Variants in SLC25A18 observed in about 807,000 individuals in gnomAD.
SLC25A18 encodes the protein mitochondrial glutamate carrier 2.
SLC25A18 carries 24 observed loss-of-function variants against 31.1 expected under a neutral mutation model. The ratio of observed to expected loss-of-function variants is 0.77; its 90% CI spans 0.56 to 1.08. The LOEUF is 1.08. SLC25A18 is among the 50% of genes least tolerant of loss of function. The probability of loss-of-function intolerance (pLI) is 0.00; values close to 1 mark genes in which losing one functional copy is unlikely to be tolerated. For synonymous variants in SLC25A18, 173 were observed against 161.9 expected (o/e 1.07, Z -0.52); for missense variants, 371 against 418.5 (o/e 0.89, Z 0.99).
At chr22:17,573,486 ACTC>A (rs1441062737) in intron 2 of SLC25A18, among the ~76,000 whole-genome samples, 1 of 151,866 alleles carries the variant, frequency 6.6e-6, no homozygotes, top group African/African-American at 2.4e-5. Context: ...ATCTGGAAAT[ACTC>A]CTGGAAATGG....
intron 2 of SLC25A18, among the ~76,000 whole-genome samples, chr22:17,572,634 TA>T (rs199657444): frequency 0.087 from 9,952 of 113,842 alleles, 986 homozygotes; most frequent in Non-Finnish European, 0.11. Context: ...TCTCTACAAA[TA>T]AATTTTTTTT....
At chr22:17,584,029 TC>T in intron 7 of SLC25A18, 1 of 982,754 alleles carries the variant, frequency 1.0e-6, no homozygotes, top group Non-Finnish European at 1.2e-6. Flanking sequence ...GAATGTTGAT[TC>T]AGAGGGTCAG....
At chr22:17,589,490 A>T in intron 9 of SLC25A18, 100 bp from the exon 10 acceptor site, 3 of 1,059,126 alleles carry the variant, frequency 2.8e-6, no homozygotes, top group Non-Finnish European at 2.8e-6. Context: ...AGTCAGTTTT[A>T]TATGTGGTGG....
chr22:17,589,492 ATG>A, intron 9 of SLC25A18, 96 bp from the exon 10 acceptor site: 1 of 1,071,812 alleles, frequency 9.3e-7, no homozygotes, highest in Non-Finnish European at 1.4e-6. Context: ...TCAGTTTTAT[ATG>A]TGGTGGCTCT....
intron 2 of SLC25A18, among the ~76,000 whole-genome samples, chr22:17,572,777 G>A (rs1449345025): frequency 1.4e-5 from 2 of 145,156 alleles, no homozygotes; most frequent in African/African-American, 5.5e-5. Context: ...GAGTAGCTGG[G>A]ACTACAGGCG....
chr22:17,581,615 C>G (rs998601388), intron 5 of SLC25A18: 20 of 578,920 alleles, frequency 3.5e-5, no homozygotes, highest in African/African-American at 1.9e-4. Context: ...AGCACACCCC[C>G]CGCCACCGCC....
At chr22:17,581,501 G>A in intron 5 of SLC25A18, 88 bp downstream of exon 5, 1 of 1,477,336 alleles carries the variant, frequency 6.8e-7, no homozygotes, top group Non-Finnish European at 9.4e-7. Flanking sequence ...TTGCTGCGGG[G>A]ATGGGGCCAG....
At chr22:17,572,141 C>T (rs900734056) in intron 2 of SLC25A18, among the ~76,000 whole-genome samples, 5 of 152,036 alleles carry the variant, frequency 3.3e-5, no homozygotes, top group African/African-American at 7.2e-5. Context: ...GAGCCGAGAT[C>T]ACGCCACTGC....
chr22:17,590,380 C>A lies in SLC25A18; in HGVS notation c.*144C>A. ...GCTACCTCAATCTCGGGAGAAACAGCCCTATATTCTAACAAGTTGAGCACA... is the reference window on the plus strand; with the variant it reads ...GCTACCTCAATCTCGGGAGAAACAGACCTATATTCTAACAAGTTGAGCACA... On this transcript the variant is annotated 3_prime_UTR_variant, in exon 11 of 11. Transcript: ENST00000327451. 1 of 944,134 alleles carries A rather than the reference C, an allele frequency of 1.1e-6. No individual in the cohort carries two copies. Among genetic ancestry groups the A allele is most frequent in the Non-Finnish European group, 1.6e-6 (1 of 638,754 alleles). The allele number at this position is 944,134 out of a possible 1,614,324, so 58.5% of individuals were successfully genotyped here.
chr22:17,588,255 C>G (rs2146280009), intron 9 of SLC25A18, 176 bp downstream of exon 9: 2 of 635,342 alleles, frequency 3.1e-6, no homozygotes, highest in Middle Eastern at 4.2e-4. Flanking sequence ...GTTTCTCATC[C>G]CTGACACATC....
chr22:17,577,231 C>G (rs1044547990), intron 2 of SLC25A18, among the ~76,000 whole-genome samples: 1 of 152,008 alleles, frequency 6.6e-6, no homozygotes, highest in African/African-American at 2.4e-5. Context: ...ACCATGTTAG[C>G]CAGGATGGTC....
At chr22:17,578,961 A>G (rs1182156990) in intron 2 of SLC25A18, among the ~76,000 whole-genome samples, 2 of 152,196 alleles carry the variant, frequency 1.3e-5, no homozygotes, top group Admixed American at 6.5e-5. Context: ...CCACTTGTCA[A>G]TTAGGAATAT....
At position 17,589,654 on chromosome 22, in the gene SLC25A18, C is replaced by G; in HGVS notation, c.795C>G (p.Thr265=). The G allele has an allele frequency of 6.2e-7, 1 of 1,614,048 alleles. No individual in the cohort carries two copies. Among genetic ancestry groups the G allele is most frequent in the Non-Finnish European group, 8.5e-7 (1 of 1,179,974 alleles). The change falls in exon 10 of 11, where the codon ACC becomes ACG. Residue 265 remains threonine, a synonymous_variant. Transcript: ENST00000327451. ...GCGAGGACATGTACAGTGGGATCACCGACTGTGCCAGGTGAGAGCCAGTGT... is the reference window on the plus strand; with the variant it reads ...GCGAGGACATGTACAGTGGGATCACGGACTGTGCCAGGTGAGAGCCAGTGT... ...GLGEDMYSGI[T]DCARKLWIQE...
intron 2 of SLC25A18, among the ~76,000 whole-genome samples, chr22:17,575,435 G>A (rs984734049): frequency 5.3e-5 from 8 of 152,076 alleles, no homozygotes; most frequent in African/African-American, 1.7e-4. Context: ...AGTCTCTCCC[G>A]CCTTGCATCA....
intron 2 of SLC25A18, among the ~76,000 whole-genome samples, chr22:17,576,177 C>A (rs1401950415): frequency 6.6e-6 from 1 of 151,930 alleles, no homozygotes; most frequent in Non-Finnish European, 1.5e-5. Flanking sequence ...CATGGTGAAA[C>A]CCCATCTCTA....
At chr22:17,584,469 G>GAGAGAGAAAGAA (rs1555951532) in intron 7 of SLC25A18, among the ~76,000 whole-genome samples, 3 of 121,628 alleles carry the variant, frequency 2.5e-5, no homozygotes, top group Admixed American at 1.6e-4. Context: ...GAGAGAGAGA[G>GAGAGAGAAAGAA]AGAAAGAAAG....
chr22:17,582,585 G>A lies in SLC25A18; in HGVS notation c.222G>A (p.Leu74=). 1 of 1,601,748 alleles carries A rather than the reference G, an allele frequency of 6.2e-7. No individual in the cohort carries two copies. The highest frequency in any genetic ancestry group is 8.5e-7 in the Non-Finnish European group (1 of 1,173,492). ...MYRGAAVNLT[L]VTPEKAIKLA... ...CAGGGGCTGCAGTGAACCTCACTCT[G>A]GTCACTCCAGAGAAGGCCATCAAGC... The change falls in exon 6 of 11, where the codon CTG becomes CTA. Residue 74 remains leucine (L), a synonymous_variant. Transcript: ENST00000327451.
chr22:17,568,576 T>C, intron 1 of SLC25A18, among the ~76,000 whole-genome samples: 1 of 131,650 alleles, frequency 7.6e-6, no homozygotes, highest in African/African-American at 2.9e-5. Context: ...TTTTTTTTTT[T>C]TTTTTGAGAC....
At chr22:17,580,915 C>T (rs922416649) in intron 3 of SLC25A18, 122 bp from the exon 4 acceptor site, 4 of 1,447,516 alleles carry the variant, frequency 2.8e-6, no homozygotes, top group Non-Finnish European at 3.7e-6. Context: ...AAGAGGGTCT[C>T]TGGACACCTG....
Sources: gnomAD v4.1 joint callset for allele counts (sites outside exome capture counted in the v4.1 genomes callset) on GRCh38, gnomAD v4.1.1 for gene constraint, MANE v1.5 for transcripts, NCBI Gene and HGNC (gene_info 2026-07-23, HGNC 2026-07-21) for gene names.